Variants in SKI observed in about 807,000 individuals in gnomAD.
SKI encodes the protein ski oncogene.
In SKI, 23 loss-of-function variants were observed where a neutral mutation model predicts 59.3. The observed-to-expected ratio is 0.39, with a 90% confidence interval of 0.28 to 0.55. The LOEUF is 0.55. SKI is among the 20% of genes least tolerant of loss of function. The pLI is 0.67. For synonymous variants in SKI, 673 were observed against 488.6 expected, an observed-to-expected ratio of 1.38 and a Z score of -4.98; for missense variants, 1,017 against 1,038.9, an observed-to-expected ratio of 0.98 and a Z score of 0.29.
intron 1 of SKI, among the ~76,000 whole-genome samples, chr1:2,239,117 G>A (rs975459555): frequency 1.3e-5 from 2 of 152,198 alleles, no homozygotes; most frequent in African/African-American, 4.8e-5. Context: ...CTACCAAGTT[G>A]AATGATATGC....
intron 1 of SKI, among the ~76,000 whole-genome samples, chr1:2,246,963 C>T (rs563603420): frequency 2.0e-5 from 3 of 152,356 alleles, no homozygotes; most frequent in African/African-American, 7.2e-5. Flanking sequence ...TGGCTCACGC[C>T]TGTAATCCCA....
intron 1 of SKI, among the ~76,000 whole-genome samples, chr1:2,246,461 T>C (rs190162093): frequency 5.3e-5 from 8 of 152,334 alleles, no homozygotes; most frequent in Admixed American, 2.0e-4. Context: ...GTTTGTCTAC[T>C]GCGTGCACCG....
chr1:2,301,501 GGCTGCAGGGTGGGTGCACGT>G (rs2100913161), intron 1 of SKI, among the ~76,000 whole-genome samples: 2 of 152,164 alleles, frequency 1.3e-5, no homozygotes, highest in African/African-American at 4.8e-5. Flanking sequence ...GTTCCCTGAG[GGCTGCAGGGTGGGTGCACGT>G]GCTGCAGGGG....
At position 2,306,081 on chromosome 1, in the gene SKI, G is replaced by A; in HGVS notation, c.1829G>A (p.Arg610His). The A allele has an allele frequency of 6.2e-7, 1 of 1,602,238 alleles. No individual in the cohort carries two copies. Among genetic ancestry groups the A allele is most frequent in the Non-Finnish European group, 8.5e-7 (1 of 1,175,852 alleles). ...EKLREATEAKRNLRKEIERLR... is the reference protein window; with the variant it reads ...EKLREATEAKHNLRKEIERLR... The stretch of plus-strand genomic sequence containing the variant: ...CTGCGGGAGGCCACGGAGGCCAAGC[G>A]TAACCTGCGGAAGGAGATCGAGCGT... Residue 610 changes from arginine (R) to histidine (H), a missense_variant, in exon 6 of 7, where the codon CGT becomes CAT. Physicochemically the swap from Arg to His is conservative, Grantham distance 29. Coordinates refer to ENST00000378536, the MANE Select transcript of SKI (RefSeq NM_003036.4).
rs1307060230 is a variant in SKI, at chr1:2,308,912, G to A, written c.*2147G>A. 5.2e-5 allele frequency: 8 copies of A among 152,398 alleles called. No individual in the cohort carries two copies. The South Asian group carries it at 6.2e-4, about 12-fold the overall frequency. 9.4% of individuals were successfully genotyped at this position (152,398 alleles called of 1,614,324 possible). On this transcript the variant is annotated 3_prime_UTR_variant, in exon 7 of 7. Transcript: ENST00000378536. The stretch of plus-strand genomic sequence containing the variant: ...CCCCATCTTGCCCCAAACGGAAAGC[G>A]CTGTATCTGCAGTGGCAGCCCTTCC...
chr1:2,293,649 G>C (rs776832439), intron 1 of SKI, among the ~76,000 whole-genome samples: 7 of 152,178 alleles, frequency 4.6e-5, no homozygotes, highest in Non-Finnish European at 1.0e-4. Flanking sequence ...CCCGTGTCTT[G>C]CTTTAAGCTG....
Position 2,228,866 on chromosome 1 carries a change from G to T in SKI, c.100G>T (p.Gly34Cys), listed in dbSNP as rs387907306. 1 of 1,429,646 alleles carries T rather than the reference G, an allele frequency of 7.0e-7. No individual in the cohort carries two copies. The highest frequency in any genetic ancestry group is 9.2e-7 in the Non-Finnish European group (1 of 1,087,850). The allele number at this position is 1,429,646 out of a possible 1,614,324, so 88.6% of individuals were successfully genotyped here. ...FHLSSMSSLG[G>C]PAAFSARWAQ... ...CCTGAGCTCCATGAGCTCGCTGGGC[G>T]GCCCGGCCGCTTTCTCGGCGCGCTG... Residue 34 changes from glycine to cysteine, a missense_variant, in exon 1 of 7, where the codon GGC (glycine) becomes TGC (cysteine). Coordinates refer to ENST00000378536, the MANE Select transcript of SKI (RefSeq NM_003036.4).
chr1:2,252,619 G>C (rs192268301), intron 1 of SKI, among the ~76,000 whole-genome samples: 1 of 152,194 alleles, frequency 6.6e-6, no homozygotes, highest in Non-Finnish European at 1.5e-5. Flanking sequence ...CCTTGCTCAC[G>C]GTCCTTTCTG....
Position 2,307,378 on chromosome 1 carries a change from C to CCCGCCCGCCACG in SKI, c.*619_*630dup, listed in dbSNP as rs1640620504. 1 of 152,490 alleles carries CCCGCCCGCCACG rather than the reference C, an allele frequency of 6.6e-6. No individual in the cohort carries two copies. The highest frequency in any genetic ancestry group is 1.5e-5 in the Non-Finnish European group (1 of 68,120). The allele number at this position is 152,490 out of a possible 1,614,324, so 9.4% of individuals were successfully genotyped here. A position where few individuals can be genotyped will look rare whatever the true frequency, so the allele number is the denominator to read the frequency against. The stretch of plus-strand genomic sequence containing the variant: ...CACTGCCCGCCTTACTGCCGCCTAC[C>CCCGCCCGCCACG]CCGCCCGCCACGCCGCCGTCGATGC... On this transcript the variant is annotated 3_prime_UTR_variant, in exon 7 of 7. Transcript: ENST00000378536.
chr1:2,243,279 G>GGCTGCACGAGATGTCAGTGTGCTCC (rs1638919522), intron 1 of SKI, among the ~76,000 whole-genome samples: 3 of 152,268 alleles, frequency 2.0e-5, no homozygotes, highest in African/African-American at 7.2e-5. Flanking sequence ...ACCATGTGCT[G>GGCTGCACGAGATGTCAGTGTGCTCC]GCTGCACGAG....
intron 1 of SKI, among the ~76,000 whole-genome samples, chr1:2,242,642 CCTGAGTAGCCG>C (rs2100810867): frequency 6.6e-6 from 1 of 152,298 alleles, no homozygotes; most frequent in South Asian, 2.1e-4. Context: ...GCCTCAGCTT[CCTGAGTAGCCG>C]GGACTGTAGG....
intron 1 of SKI, among the ~76,000 whole-genome samples, chr1:2,282,053 C>T (rs377532587): frequency 9.0e-4 from 31 of 34,530 alleles, no homozygotes; most frequent in South Asian, 4.6e-3. Flanking sequence ...CAGGCGGTGG[C>T]GGAGATCTTC....
chr1:2,286,391 G>A (rs1640040371), intron 1 of SKI, among the ~76,000 whole-genome samples: 1 of 152,122 alleles, frequency 6.6e-6, no homozygotes, highest in African/African-American at 2.4e-5. Flanking sequence ...TACTCTAGAG[G>A]CTGAGAGGGG....
Position 2,309,528 on chromosome 1 carries a change from C to T in SKI, c.*2763C>T, listed in dbSNP as rs1640691122. On this transcript the variant is annotated 3_prime_UTR_variant, in exon 7 of 7. Transcript: ENST00000378536. ...TCCTTTTTCAGAAACTCTTTTCTTA[C>T]CTGAGAGTTGTCTTGTTTTCTGGGC... The T allele has an allele frequency of 6.6e-6, 1 of 152,072 alleles. No individual in the cohort carries two copies. The highest frequency in any genetic ancestry group is 6.5e-5 in the Admixed American group (1 of 15,274). 9.4% of individuals were successfully genotyped at this position (152,072 alleles called of 1,614,324 possible).
intron 1 of SKI, among the ~76,000 whole-genome samples, chr1:2,233,311 CTCCGAGGGGGCCGGGCGTCCTGT>C (rs1441363542): frequency 8.6e-5 from 13 of 151,308 alleles, no homozygotes; most frequent in Admixed American, 7.9e-4. Flanking sequence ...GGGGGTCCTG[CTCCGAGGGGGCCGGGCGTCCTGT>C]TCCTAGGGGC....
rs772286488 is a variant in SKI, at chr1:2,304,050, A to T, written c.1422A>T (p.Pro474=). ...APETLAPVAA[P]EEDKDSEAEV... ...AGACGCTGGCGCCCGTGGCTGCCCCAGAGGAGGACAAGGACTCGGAGGCGG... is the reference window on the plus strand; with the variant it reads ...AGACGCTGGCGCCCGTGGCTGCCCCTGAGGAGGACAAGGACTCGGAGGCGG... Residue 474 remains proline (P), a synonymous_variant, in exon 4 of 7, where the codon CCA becomes CCT. Transcript: ENST00000378536. 3.1e-6 allele frequency: 5 copies of T among 1,612,406 alleles called. No individual in the cohort carries two copies. The African/African-American group carries it at 6.7e-5, about 22-fold the overall frequency.
chr1:2,295,133 G>A (rs1640254446), intron 1 of SKI, among the ~76,000 whole-genome samples: 1 of 152,250 alleles, frequency 6.6e-6, no homozygotes. Flanking sequence ...GCCTGACCCT[G>A]AACAGCTGCT....
At chr1:2,295,690 G>A (rs1014854356) in intron 1 of SKI, among the ~76,000 whole-genome samples, 2 of 151,948 alleles carry the variant, frequency 1.3e-5, no homozygotes, top group African/African-American at 4.8e-5. Context: ...CGGGTCACAC[G>A]TGACTGTGTG....
At chr1:2,291,357 T>G (rs973352532) in intron 1 of SKI, among the ~76,000 whole-genome samples, 1 of 152,178 alleles carries the variant, frequency 6.6e-6, no homozygotes, top group Non-Finnish European at 1.5e-5. Flanking sequence ...GTTTCAAATC[T>G]GGGGTCTGTG....
Sources: allele counts gnomAD v4.1 joint callset (sites outside exome capture counted in the v4.1 genomes callset), GRCh38; gene constraint gnomAD v4.1.1; transcripts MANE v1.5; gene names NCBI Gene and HGNC (gene_info 2026-07-23, HGNC 2026-07-21).